The following GRID1 variants were observed in gnomAD, a reference collection of about 807,000 sequenced individuals.
GRID1 encodes glutamate receptor ionotropic, delta-1.
In GRID1, 28 loss-of-function variants were observed where a neutral mutation model predicts 98.0. The observed-to-expected ratio is 0.29, with a 90% CI of 0.21 to 0.39. The LOEUF (loss-of-function observed/expected upper bound fraction) is 0.39, where lower values mean the gene tolerates loss of function less well. Among genes scored for constraint, GRID1 ranks in the 10% least tolerant of loss-of-function variants. The pLI, the probability that GRID1 is intolerant of heterozygous loss-of-function variation, is 1.00. For synonymous variants in GRID1, 553 were observed against 538.5 expected (o/e 1.03, Z -0.37); for missense variants, 1,111 against 1,340.5 (o/e 0.83, Z 2.67).
Position 85,916,341 on chromosome 10 carries a change from A to G in GRID1, c.727-102T>C, listed in dbSNP as rs1361860800. 4.2e-6 allele frequency: 4 copies of G among 947,794 alleles called. No individual in the cohort carries two copies. The Admixed American group carries it at 5.7e-5, about 14-fold the overall frequency. The allele number at this position is 947,794 out of a possible 1,614,324, so 58.7% of individuals were successfully genotyped here. On this transcript the variant is annotated intron_variant, in intron 4 of 15. Transcript: ENST00000327946. This position sits in a 1 kb window ranked among gnomAD's most constrained non-coding sequence, Gnocchi z 4.0. The stretch of plus-strand genomic sequence containing the variant: ...GTTTTATAAACATTGTTCTTGGAGA[A>G]TATTTTCCTCACAAAACATGCCATC...
chr10:85,828,037 T>C (rs1842835093), intron 8 of GRID1, among the ~76,000 whole-genome samples: 1 of 151,992 alleles, frequency 6.6e-6, no homozygotes, highest in South Asian at 2.1e-4. Context: ...CAATCAGCTA[T>C]AAAACAATTC....
intron 2 of GRID1, among the ~76,000 whole-genome samples, chr10:86,260,333 G>A (rs1846996912): frequency 1.3e-5 from 2 of 152,206 alleles, no homozygotes; most frequent in Non-Finnish European, 2.9e-5. Flanking sequence ...TTAGAAATGA[G>A]GAAAGCCAGG....
At chr10:85,945,377 C>T (rs1340834298) in intron 4 of GRID1, among the ~76,000 whole-genome samples, 5 of 152,092 alleles carry the variant, frequency 3.3e-5, no homozygotes, top group Admixed American at 6.5e-5. Context: ...CTTGGTTTAA[C>T]CCTTTGTAAT....
chr10:85,675,387 C>T (rs1009016589), intron 12 of GRID1, among the ~76,000 whole-genome samples: 1 of 152,140 alleles, frequency 6.6e-6, no homozygotes, highest in Non-Finnish European at 1.5e-5. Flanking sequence ...AAGATCTCAG[C>T]CTGGGGCAAA....
At chr10:85,661,274 T>C (rs1054591930) in intron 12 of GRID1, among the ~76,000 whole-genome samples, 1 of 152,190 alleles carries the variant, frequency 6.6e-6, no homozygotes, top group Non-Finnish European at 1.5e-5. Flanking sequence ...CTGTAAACAC[T>C]GTGACAGAAA....
chr10:86,050,686 C>T (rs551513517), intron 4 of GRID1, among the ~76,000 whole-genome samples: 26 of 151,330 alleles, frequency 1.7e-4, no homozygotes, highest in Non-Finnish European at 3.1e-4. Flanking sequence ...CAAAAAAGTG[C>T]AAAAAAAGGA....
rs750062944 is a variant in GRID1, at chr10:85,723,017, C to A, written c.1983G>T (p.Met661Ile). The part of the protein sequence containing the change: ...NLAAFLTVSR[M>I]DNPIRTFQDL... ...AATAGGCTTACCTTATGGGGTTGTC[C>A]ATCCTGGACACTGTGAGGAAGGCAG... Residue 661 changes from methionine to isoleucine, a missense_variant, in exon 12 of 16, where the codon ATG becomes ATT. Physicochemically the swap from Met to Ile is conservative, Grantham distance 10. Transcript: ENST00000327946. 8.1e-6 allele frequency: 13 copies of A among 1,609,032 alleles called. No homozygotes were observed. The South Asian group carries it at 1.2e-4, about 15-fold the overall frequency.
At chr10:86,045,502 A>G (rs12772099) in intron 4 of GRID1, among the ~76,000 whole-genome samples, 51,790 of 152,094 alleles carry the variant, frequency 0.34, 10,856 homozygotes, top group African/African-American at 0.6. Context: ...GAGTCACGTC[A>G]GTCCTCAGGG....
chr10:86,146,234 T>C (rs892242685), intron 3 of GRID1, among the ~76,000 whole-genome samples: 5 of 152,226 alleles, frequency 3.3e-5, no homozygotes, highest in Admixed American at 3.3e-4. Flanking sequence ...AAAGTGTTTT[T>C]GGATTATTGG....
chr10:86,140,784 T>G (rs1564688031), intron 3 of GRID1, among the ~76,000 whole-genome samples: 1 of 152,048 alleles, frequency 6.6e-6, no homozygotes, highest in Admixed American at 6.5e-5. Flanking sequence ...GGGGTGAAAA[T>G]CACCAACTAC....
intron 4 of GRID1, among the ~76,000 whole-genome samples, chr10:85,989,961 G>A (rs1842659837): frequency 6.6e-6 from 1 of 152,098 alleles, no homozygotes; most frequent in Non-Finnish European, 1.5e-5. Flanking sequence ...TGCCCCTTCA[G>A]CCCTGTGAAA....
intron 2 of GRID1, among the ~76,000 whole-genome samples, chr10:86,326,974 T>A (rs546731001): frequency 6.6e-6 from 1 of 152,054 alleles, no homozygotes; most frequent in Admixed American, 6.5e-5. Context: ...TGTGTTTACT[T>A]AAAAAAACAA....
chr10:85,854,669 GT>G (rs1843092155), intron 7 of GRID1, 54 bp from the exon 8 acceptor site: 1 of 1,601,848 alleles, frequency 6.2e-7, no homozygotes, highest in Admixed American at 1.7e-5. Flanking sequence ...AGAGGATGGA[GT>G]CCCAAAGGCT....
chr10:85,843,772 A>G (rs1842981703), intron 8 of GRID1, among the ~76,000 whole-genome samples: 1 of 152,140 alleles, frequency 6.6e-6, no homozygotes, highest in Non-Finnish European at 1.5e-5. Flanking sequence ...TAAATAAAAA[A>G]TAGTGATATC....
chr10:85,844,076 A>T (rs1176127292), intron 8 of GRID1, among the ~76,000 whole-genome samples: 1 of 152,126 alleles, frequency 6.6e-6, no homozygotes, highest in East Asian at 1.9e-4. Context: ...ATAATACTCA[A>T]CTATAAAAGA....
At chr10:86,207,926 G>A (rs1219395599) in intron 2 of GRID1, among the ~76,000 whole-genome samples, 4 of 152,118 alleles carry the variant, frequency 2.6e-5, no homozygotes, top group African/African-American at 4.8e-5. Context: ...CACCGCGCCC[G>A]GCCGCAGATG....
intron 8 of GRID1, among the ~76,000 whole-genome samples, chr10:85,785,813 T>C (rs187421393): frequency 1.3e-5 from 2 of 152,028 alleles, no homozygotes; most frequent in African/African-American, 4.8e-5. Context: ...CAAAGACAGA[T>C]TGGCTCTCCT....
intron 3 of GRID1, among the ~76,000 whole-genome samples, chr10:86,202,823 G>T (rs535711077): frequency 6.6e-6 from 1 of 152,310 alleles, no homozygotes; most frequent in East Asian, 1.9e-4. Context: ...ATCAGGCCTT[G>T]CCCCACAAAG....
At chr10:86,355,476 G>A (rs1169500494) in intron 2 of GRID1, among the ~76,000 whole-genome samples, 1 of 152,248 alleles carries the variant, frequency 6.6e-6, no homozygotes, top group Non-Finnish European at 1.5e-5. Flanking sequence ...GGGTGGAGGA[G>A]AAGGGGCAGC....
Sources: allele counts gnomAD v4.1 joint callset (sites outside exome capture counted in the v4.1 genomes callset), GRCh38; gene constraint gnomAD v4.1.1; non-coding constraint Gnocchi (gnomAD v3.1); transcripts MANE v1.5; gene names NCBI Gene and HGNC (gene_info 2026-07-23, HGNC 2026-07-21).